Variants in MERTK observed in about 807,000 individuals in gnomAD.
MERTK encodes tyrosine-protein kinase Mer.
A neutral mutation model predicts 99.3 loss-of-function variants in MERTK; 69 were observed. The ratio of observed to expected loss-of-function variants is 0.70; its 90% CI spans 0.57 to 0.85. The LOEUF is 0.85. Ranked by LOEUF, MERTK falls within the 40% of genes least tolerant of loss-of-function variation. The probability of loss-of-function intolerance (pLI) is 0.00; values close to 1 mark genes in which losing one functional copy is unlikely to be tolerated. For synonymous variants in MERTK, 426 were observed against 467.6 expected (o/e 0.91, Z 1.15); for missense variants, 1,125 against 1,249.4 (o/e 0.90, Z 1.50).
intron 4 of MERTK, among the ~76,000 whole-genome samples, chr2:111,952,960 C>T (rs548204644): frequency 2.6e-5 from 4 of 152,260 alleles, no homozygotes; most frequent in African/African-American, 9.6e-5. Flanking sequence ...ATCTGATTTA[C>T]GCCTCTGCCT....
At chr2:111,905,181 G>A (rs942172458) in intron 1 of MERTK, among the ~76,000 whole-genome samples, 1 of 152,112 alleles carries the variant, frequency 6.6e-6, no homozygotes, top group Non-Finnish European at 1.5e-5. Flanking sequence ...GTGATTCTTA[G>A]CCACAGGAAG....
At chr2:111,926,795 A>G (rs778092719) in intron 1 of MERTK, among the ~76,000 whole-genome samples, 65 of 152,236 alleles carry the variant, frequency 4.3e-4, no homozygotes, top group Admixed American at 7.8e-4. Flanking sequence ...CTCTGCAGGT[A>G]TGAGACAAAC....
chr2:111,969,192 A>C (rs1676025215), intron 6 of MERTK, among the ~76,000 whole-genome samples: 1 of 152,198 alleles, frequency 6.6e-6, no homozygotes, highest in Admixed American at 6.5e-5. Context: ...CTAAGGGACC[A>C]CAGGGGCTTT....
At chr2:111,918,227 G>A (rs934656847) in intron 1 of MERTK, among the ~76,000 whole-genome samples, 3 of 152,284 alleles carry the variant, frequency 2.0e-5, no homozygotes, top group South Asian at 2.1e-4. Context: ...TTTTGGAGGG[G>A]ATTCTTTGTT....
intron 4 of MERTK, among the ~76,000 whole-genome samples, chr2:111,949,498 A>C (rs1233993563): frequency 6.6e-6 from 1 of 152,092 alleles, no homozygotes; most frequent in Non-Finnish European, 1.5e-5. Flanking sequence ...TTTTTTAGGG[A>C]ATTAAGTAAC....
chr2:111,943,921 A>G lies in MERTK; in HGVS notation c.483-1039A>G, dbSNP rs539369427. Among the ~76,000 whole-genome samples the G allele has an allele frequency of 3.3e-5, 5 of 152,294 alleles. No individual in the cohort carries two copies. In the East Asian group the frequency reaches 9.6e-4, roughly 29 times the overall value. ...GCCCCCCTAGTCATTGTGACCACCA[A>G]AAACAACTCCACAAATTTCCAAAAT... On this transcript the variant is annotated intron_variant, in intron 2 of 18. Transcript: ENST00000295408.
intron 15 of MERTK, among the ~76,000 whole-genome samples, chr2:112,010,806 G>T (rs1677083780): frequency 6.6e-6 from 1 of 152,142 alleles, no homozygotes; most frequent in African/African-American, 2.4e-5. Context: ...GCGAGCAGGC[G>T]GTGTGTGTCC....
chr2:112,021,137 T>A (rs1411798743), intron 16 of MERTK, among the ~76,000 whole-genome samples: 1 of 151,776 alleles, frequency 6.6e-6, no homozygotes, highest in Non-Finnish European at 1.5e-5. Context: ...GAAGCAGAGT[T>A]TGCTGTGAGC....
In MERTK at chr2:111,947,488, C is replaced by A; in HGVS notation, c.678C>A (p.Pro226=). 1.2e-6 allele frequency: 2 copies of A among 1,614,142 alleles called. No homozygotes were observed. Among genetic ancestry groups the A allele is most frequent in the Non-Finnish European group, 1.7e-6 (2 of 1,180,034 alleles). Residue 226 remains proline, a synonymous_variant, in exon 4 of 19, where the codon CCC becomes CCA. Transcript: ENST00000295408. Reference sequence around the variant, plus strand: ...GTCAGGCTGTGGGCCCGCCTGAGCCCGTCAACATTTTCTGGGTTCAAAACA... The same window carrying A: ...GTCAGGCTGTGGGCCCGCCTGAGCCAGTCAACATTTTCTGGGTTCAAAACA... The part of the protein sequence containing the change: ...LTCQAVGPPE[P]VNIFWVQNSS...
At position 111,964,641 on chromosome 2, in the gene MERTK, A is replaced by G. The variant is rs113570280; in HGVS notation, c.758-550A>G. The stretch of plus-strand genomic sequence containing the variant: ...AACCTCTGAAATGATAGAATTTTTC[A>G]TTTAGCACTAGTGTCTTCTCTTCGA... On this transcript the variant is annotated intron_variant, in intron 4 of 18. Transcript: ENST00000295408. 1.2e-3 allele frequency among the ~76,000 whole-genome samples: 181 copies of G among 152,320 alleles called. 1 individual carries two copies. Among genetic ancestry groups the G allele is most frequent in the African/African-American group, 4.2e-3 (174 of 41,558 alleles).
At chr2:111,994,099 G>C (rs1676685548) in intron 8 of MERTK, 152 bp from the exon 9 acceptor site, 1 of 934,146 alleles carries the variant, frequency 1.1e-6, no homozygotes, top group Non-Finnish European at 1.7e-6. Flanking sequence ...GGTTCCATTG[G>C]CCATGGCCTG....
chr2:111,924,550 C>T (rs1164744563), intron 1 of MERTK, among the ~76,000 whole-genome samples: 4 of 152,116 alleles, frequency 2.6e-5, no homozygotes, highest in Admixed American at 2.0e-4. Context: ...GGAAGGTTCC[C>T]ACTTCCTGCT....
At chr2:112,010,172 C>A in intron 15 of MERTK, 106 bp downstream of exon 15, 1 of 901,264 alleles carries the variant, frequency 1.1e-6, no homozygotes, top group Non-Finnish European at 1.8e-6. Flanking sequence ...AAGGAGAGGA[C>A]GTTGACTTTT....
chr2:111,913,311 T>C (rs1684286303), intron 1 of MERTK, among the ~76,000 whole-genome samples: 1 of 152,232 alleles, frequency 6.6e-6, no homozygotes, highest in Non-Finnish European at 1.5e-5. Flanking sequence ...TGTATTTCTT[T>C]CATCAGTGTT....
chr2:111,900,122 ACAGT>A (rs1403132187), intron 1 of MERTK, among the ~76,000 whole-genome samples: 1 of 151,914 alleles, frequency 6.6e-6, no homozygotes, highest in Non-Finnish European at 1.5e-5. Context: ...TTCACCTATT[ACAGT>A]CAAAGATGTT....
chr2:112,009,349 G>A (rs191206724), intron 14 of MERTK, among the ~76,000 whole-genome samples: 80 of 152,332 alleles, frequency 5.3e-4, no homozygotes, highest in African/African-American at 1.9e-3. Flanking sequence ...ATGGGATCAG[G>A]TGATAGCCTC....
At chr2:111,913,463 T>C (rs184761386) in intron 1 of MERTK, among the ~76,000 whole-genome samples, 70 of 152,368 alleles carry the variant, frequency 4.6e-4, no homozygotes, top group Admixed American at 3.5e-3. Flanking sequence ...AGAAATACAA[T>C]AATTTGTATC....
At chr2:111,909,371 A>C (rs1399831040) in intron 1 of MERTK, among the ~76,000 whole-genome samples, 1 of 152,216 alleles carries the variant, frequency 6.6e-6, no homozygotes, top group Non-Finnish European at 1.5e-5. Flanking sequence ...ACTCATGACA[A>C]GATAACAAAG....
At chr2:111,916,386 T>C (rs13391947) in intron 1 of MERTK, among the ~76,000 whole-genome samples, 70,507 of 152,030 alleles carry the variant, frequency 0.46, 16,514 homozygotes, top group East Asian at 0.74. Context: ...TCCCAGAGAC[T>C]CTATTCATTT....
Sources: allele counts gnomAD v4.1 joint callset (sites outside exome capture counted in the v4.1 genomes callset), GRCh38; gene constraint gnomAD v4.1.1; transcripts MANE v1.5; gene names NCBI Gene and HGNC (gene_info 2026-07-23, HGNC 2026-07-21).